The following ENTPD1 variants were observed in gnomAD, a reference collection of about 807,000 sequenced individuals.
The protein encoded by ENTPD1 is ATP diphosphohydrolase.
In ENTPD1, 33 loss-of-function variants were observed where a neutral mutation model predicts 57.0. That is an observed-to-expected ratio of 0.58 (90% CI 0.44 to 0.77). The LOEUF (loss-of-function observed/expected upper bound fraction) is 0.77. Ranked by LOEUF, ENTPD1 falls within the 30% of genes least tolerant of loss-of-function variation. ENTPD1 has a pLI of 0.00. For missense variants in ENTPD1, 501 were observed against 603.4 expected (o/e 0.83, Z 1.78); for synonymous variants, 202 against 218.8 (o/e 0.92, Z 0.68).
At position 95,871,333 on chromosome 10, in the gene ENTPD1, T is replaced by G; in HGVS notation, c.*4950T>G. The G allele has an allele frequency of 1.0e-6, 1 of 985,420 alleles. No homozygotes were observed. The highest frequency in any genetic ancestry group is 1.2e-6 in the Non-Finnish European group (1 of 829,878). The allele number at this position is 985,420 out of a possible 1,614,324, so 61.0% of individuals were successfully genotyped here. ...GAAATATTATCTTTAAAAAATGTCA[T>G]TACTTCTAAGACATCATCAGTCTGC... On this transcript the variant is annotated 3_prime_UTR_variant, in exon 10 of 10. Coordinates refer to ENST00000371205, the MANE Select transcript of ENTPD1 (RefSeq NM_001776.6).
In ENTPD1 at chr10:95,767,620, A is replaced by G. The variant is rs1272658219; in HGVS notation, c.16+11365A>G. On this transcript the variant is annotated intron_variant, in intron 1 of 9. Coordinates refer to ENST00000371205, the MANE Select transcript of ENTPD1 (RefSeq NM_001776.6). ...ATTTTAATATAGTTCTTATCTCACT[A>G]TGCCTTTCCCCATTCTTGGGACCCT... 2.0e-5 allele frequency among the ~76,000 whole-genome samples: 3 copies of G among 151,990 alleles called. No homozygotes were observed. In the South Asian group the frequency reaches 6.2e-4, roughly 32 times the overall value.
rs556659103 is a variant in ENTPD1 at position 95,759,405 on chromosome 10, ATT to A, written c.16+3152_16+3153del. 2.2e-4 allele frequency among the ~76,000 whole-genome samples: 33 copies of A among 152,306 alleles called. 1 individual carries two copies. The South Asian group carries it at 3.3e-3, about 15-fold the overall frequency. ...TGCTCAGCCAAGGGCCAAACTGGAG[ATT>A]TCAGATGCCTCATAGCCAACTTTGC... On this transcript the variant is annotated intron_variant, in intron 1 of 9. Coordinates refer to ENST00000371205, the MANE Select transcript of ENTPD1 (RefSeq NM_001776.6).
rs1590224247 is a variant in ENTPD1, at chr10:95,868,395, T to C, written c.*2012T>C. On this transcript the variant is annotated 3_prime_UTR_variant, in exon 10 of 10. Coordinates refer to ENST00000371205, the MANE Select transcript of ENTPD1 (RefSeq NM_001776.6). ...ATTTAATATCATTCTGTTCATGTGCTTTGGATGGAAGCACATCTGGCATAT... is the reference window on the plus strand; with the variant it reads ...ATTTAATATCATTCTGTTCATGTGCCTTGGATGGAAGCACATCTGGCATAT... 2.0e-6 allele frequency: 2 copies of C among 985,344 alleles called. No individual in the cohort carries two copies. The highest frequency in any genetic ancestry group is 2.3e-4 in the East Asian group (2 of 8,832). The allele number at this position is 985,344 out of a possible 1,614,324, so 61.0% of individuals were successfully genotyped here.
chr10:95,759,219 A>G (rs186574357), intron 1 of ENTPD1, among the ~76,000 whole-genome samples: 4 of 152,348 alleles, frequency 2.6e-5, no homozygotes, highest in Non-Finnish European at 4.4e-5. Context: ...ACTGGTACAT[A>G]TAGATCTTTG....
rs1388379427 is a variant in ENTPD1, at chr10:95,871,714, T to G, written c.*5331T>G. On this transcript the variant is annotated 3_prime_UTR_variant, in exon 10 of 10. Coordinates refer to ENST00000371205, the MANE Select transcript of ENTPD1 (RefSeq NM_001776.6). ...GTTATAAATTGACACTATAATCAAC[T>G]GACACCATGATCAGTGATGATGATC... 7.1e-6 allele frequency: 7 copies of G among 985,326 alleles called. No homozygotes were observed. The highest frequency in any genetic ancestry group is 8.4e-6 in the Non-Finnish European group (7 of 829,918). The allele number at this position is 985,326 out of a possible 1,614,324, so 61.0% of individuals were successfully genotyped here.
intron 1 of ENTPD1, among the ~76,000 whole-genome samples, chr10:95,783,470 A>C (rs1589811174): frequency 6.6e-6 from 1 of 151,970 alleles, no homozygotes. Flanking sequence ...GCAAACACGC[A>C]CTCTTTTCTT....
At chr10:95,755,831 T>A, upstream of ENTPD1, 1 of 1,511,458 alleles carries the variant, frequency 6.6e-7, no homozygotes, top group Non-Finnish European at 8.9e-7. Context: ...TGCTTGCAGC[T>A]GAGATGACTT....
chr10:95,870,187 A>G lies in ENTPD1; in HGVS notation c.*3804A>G. The G allele has an allele frequency of 1.0e-6, 1 of 985,462 alleles. No individual in the cohort carries two copies. Among genetic ancestry groups the G allele is most frequent in the South Asian group, 4.7e-5 (1 of 21,292 alleles). The allele number at this position is 985,462 out of a possible 1,614,324, so 61.0% of individuals were successfully genotyped here. ...AGGGATGCCTGTTATTCAGTCCAAG[A>G]TGCATGACAAGAGACCTTGGGAAAG... is the stretch of plus-strand genomic sequence containing the variant. On this transcript the variant is annotated 3_prime_UTR_variant, in exon 10 of 10. Transcript: ENST00000371205.
chr10:95,743,528 C>A (rs1270524131), intron 1 of ENTPD1, among the ~76,000 whole-genome samples: 1 of 152,062 alleles, frequency 6.6e-6, no homozygotes, highest in African/African-American at 2.4e-5. Flanking sequence ...ATTTGAAATT[C>A]TTCTGTATGG....
intron 7 of ENTPD1, among the ~76,000 whole-genome samples, chr10:95,855,554 T>C (rs1434332779): frequency 2.6e-5 from 4 of 152,144 alleles, no homozygotes; most frequent in Non-Finnish European, 2.9e-5. Flanking sequence ...CAATTTGGCA[T>C]GTTTTTGCAG....
chr10:95,745,450 G>C (rs1345271681), intron 1 of ENTPD1, among the ~76,000 whole-genome samples: 2 of 152,166 alleles, frequency 1.3e-5, no homozygotes, highest in African/African-American at 4.8e-5. Flanking sequence ...AAAGTGCTGG[G>C]ATTACAGGTT....
chr10:95,744,254 GT>G (rs2098003649), intron 1 of ENTPD1, among the ~76,000 whole-genome samples: 1 of 151,774 alleles, frequency 6.6e-6, no homozygotes, highest in Admixed American at 6.6e-5. Flanking sequence ...ATGTATAGTG[GT>G]TTCAGAATTA....
At chr10:95,696,615 A>T in the ENTPD1 span, among the ~76,000 whole-genome samples, 1 of 152,212 alleles carries the variant, frequency 6.6e-6, no homozygotes, top group Non-Finnish European at 1.5e-5. Context: ...AATCTCTGTA[A>T]TATAGAACTC....
chr10:95,785,084 G>GT (rs2098173770), intron 1 of ENTPD1: 1 of 152,244 alleles, frequency 6.6e-6, no homozygotes, highest in African/African-American at 2.4e-5. Flanking sequence ...GATACCCACT[G>GT]TGGAAGTCAT....
At chr10:95,709,082 A>G (rs999328948), upstream of ENTPD1, among the ~76,000 whole-genome samples, 22 of 152,310 alleles carry the variant, frequency 1.4e-4, no homozygotes, top group African/African-American at 5.3e-4. Flanking sequence ...TATGCAACCT[A>G]CAACCTTCAG....
intron 7 of ENTPD1, among the ~76,000 whole-genome samples, chr10:95,853,241 T>C (rs1243666042): frequency 3.3e-5 from 5 of 152,240 alleles, no homozygotes; most frequent in African/African-American, 1.2e-4. Context: ...TTGTCTGTTA[T>C]TGGTGTATAA....
At chr10:95,722,233 T>TG (rs1261301565) in intron 1 of ENTPD1, among the ~76,000 whole-genome samples, 1 of 117,498 alleles carries the variant, frequency 8.5e-6, no homozygotes, top group African/African-American at 3.1e-5. Flanking sequence ...ATACCCATTG[T>TG]GGTTTTTTTT....
At chr10:95,810,731 T>C (rs1589956557) in intron 1 of ENTPD1, among the ~76,000 whole-genome samples, 1 of 152,218 alleles carries the variant, frequency 6.6e-6, no homozygotes, top group East Asian at 1.9e-4. Context: ...TGTGGGTGAT[T>C]TGGCTAAAAG....
At chr10:95,695,284 T>C in the ENTPD1 span, among the ~76,000 whole-genome samples, 3 of 152,206 alleles carry the variant, frequency 2.0e-5, no homozygotes, top group Non-Finnish European at 2.9e-5. Flanking sequence ...AGTGGGACTG[T>C]AGATGATCAA....
Sources: gnomAD v4.1 joint callset for allele counts (sites outside exome capture counted in the v4.1 genomes callset) on GRCh38, gnomAD v4.1.1 for gene constraint, MANE v1.5 for transcripts, NCBI Gene and HGNC (gene_info 2026-07-23, HGNC 2026-07-21) for gene names.